Variants in MMP28 observed in about 807,000 individuals in gnomAD.
The protein encoded by MMP28 is matrix metalloproteinase-28.
A neutral mutation model predicts 60.5 loss-of-function variants in MMP28; 55 were observed. The ratio of observed to expected loss-of-function variants is 0.91; its 90% CI spans 0.73 to 1.14. The LOEUF is 1.14. MMP28 is among the 50% of genes most tolerant of loss of function. MMP28 has a pLI of 0.00. For missense variants in MMP28, 686 were observed against 738.3 expected (o/e 0.93, Z 0.82); for synonymous variants, 318 against 312.5 (o/e 1.02, Z -0.18).
intron 3 of MMP28, among the ~76,000 whole-genome samples, chr17:35,776,339 T>C (rs756354476): frequency 2.6e-5 from 4 of 151,762 alleles, no homozygotes; most frequent in Non-Finnish European, 5.9e-5. Flanking sequence ...ACCAGGCTAA[T>C]TACTTTTTGT....
Position 35,779,254 on chromosome 17 carries a change from C to T in MMP28, c.181G>A (p.Asp61Asn), listed in dbSNP as rs777998075. The change falls in exon 2 of 8, where the codon GAT (aspartate) becomes AAT (asparagine). Residue 61 changes from aspartate (D) to asparagine (N), a missense_variant. Coordinates refer to ENST00000605424, the MANE Select transcript of MMP28 (RefSeq NM_024302.5). The part of the protein sequence containing the change: ...PKAPTSTRFS[D>N]AIRAFQWVSQ... ...ATCCCTCCACCCTACCTGATGGCAT[C>T]GCTGAATCGAGTGGAGGTGGGAGCT... 2 of 1,612,294 alleles carry T rather than the reference C, an allele frequency of 1.2e-6. No individual in the cohort carries two copies. Among genetic ancestry groups the T allele is most frequent in the Admixed American group, 3.3e-5 (2 of 59,740 alleles).
chr17:35,758,115 T>G lies in MMP28; in HGVS notation c.266-1696A>C, dbSNP rs76453130. On this transcript the variant is annotated intron_variant, in intron 2 of 2. Transcript: ENST00000615317. ...GCTTTACCTGTGATAACTGACTTTG[T>G]CTTGTCTTTTAGGTATTATTTCTAT... is the stretch of plus-strand genomic sequence containing the variant. The G allele has an allele frequency of 7.2e-3, 1,102 of 152,326 alleles. 14 individuals are homozygous for G. Among genetic ancestry groups the G allele is most frequent in the African/African-American group, 0.025 (1,024 of 41,556 alleles). 9.4% of individuals were successfully genotyped at this position (152,326 alleles called of 1,614,324 possible).
intron 1 of MMP28, among the ~76,000 whole-genome samples, chr17:35,786,699 C>CAAAAAAAAAAAAAATAAAAAAAAAAAAAA (rs2086658060): frequency 1.4e-5 from 1 of 71,068 alleles, no homozygotes; most frequent in Non-Finnish European, 2.8e-5. Flanking sequence ...CCTGTCTCTA[C>CAAAAAAAAAAAAAATAAAAAAAAAAAAAA]AAAAAAAAAA....
At chr17:35,778,687 C>T in intron 3 of MMP28, 1 of 1,232,274 alleles carries the variant, frequency 8.1e-7, no homozygotes, top group South Asian at 1.6e-5. Flanking sequence ...GAAAATTCAT[C>T]AATGTAGGTG....
At chr17:35,770,345 C>T (rs1438654343) in intron 4 of MMP28, 33 bp from the exon 5 acceptor site, 2 of 1,461,256 alleles carry the variant, frequency 1.4e-6, no homozygotes, top group Non-Finnish European at 1.8e-6. Flanking sequence ...GGGGGTGCCA[C>T]GGCCCACGAC....
At chr17:35,789,260 A>G (rs1380480256) in intron 1 of MMP28, among the ~76,000 whole-genome samples, 1 of 152,196 alleles carries the variant, frequency 6.6e-6, no homozygotes, top group Non-Finnish European at 1.5e-5. Context: ...ACACACATAT[A>G]TAGAGGCACA....
chr17:35,788,619 G>T (rs916383912), intron 1 of MMP28, among the ~76,000 whole-genome samples: 1 of 152,084 alleles, frequency 6.6e-6, no homozygotes, highest in Non-Finnish European at 1.5e-5. Context: ...AAAGTCAAAC[G>T]AATGGCTCTG....
chr17:35,771,798 G>T (rs1222696884), intron 4 of MMP28, among the ~76,000 whole-genome samples: 1 of 138,356 alleles, frequency 7.2e-6, no homozygotes, highest in South Asian at 2.4e-4. Flanking sequence ...CCTCTGGGGG[G>T]CCTCTCTCTA....
intron 2 of MMP28, among the ~76,000 whole-genome samples, chr17:35,760,387 T>C (rs2085796409): frequency 6.6e-6 from 1 of 152,208 alleles, no homozygotes; most frequent in African/African-American, 2.4e-5. Flanking sequence ...TCCTACTTCC[T>C]ACTGGACTTG....
intron 5 of MMP28, among the ~76,000 whole-genome samples, chr17:35,769,760 T>C (rs917408465): frequency 2.2e-5 from 2 of 90,844 alleles, no homozygotes; most frequent in South Asian, 6.5e-4. Context: ...GAGCGGGAGC[T>C]GCGGGGGCTG....
At chr17:35,781,320 A>G (rs2143472214) in intron 1 of MMP28, among the ~76,000 whole-genome samples, 1 of 152,372 alleles carries the variant, frequency 6.6e-6, no homozygotes, top group East Asian at 1.9e-4. Flanking sequence ...CAGGAGGTAC[A>G]GATGGGGGTG....
At chr17:35,771,247 A>G (rs1434125469) in intron 4 of MMP28, among the ~76,000 whole-genome samples, 1 of 152,090 alleles carries the variant, frequency 6.6e-6, no homozygotes, top group Non-Finnish European at 1.5e-5. Context: ...CCTGGCTAAC[A>G]CGGTGAAACC....
intron 1 of MMP28, among the ~76,000 whole-genome samples, chr17:35,788,145 A>G (rs2086708975): frequency 1.3e-5 from 2 of 151,256 alleles, no homozygotes; most frequent in African/African-American, 4.9e-5. Context: ...GCCTCAAATG[A>G]TCCTTCTACC....
At position 35,766,888 on chromosome 17, in the gene MMP28, C is replaced by T. The variant is rs558972752; in HGVS notation, c.1175G>A (p.Arg392Gln). ...CTTGGGGCCCCGGAACCTCCAGCAT[C>T]GACCCCCTGTGGGGAATTGGGAGAG... ...DGDFYFFKGG[R>Q]CWRFRGPKPV... The change falls in exon 8 of 8, where the codon CGA becomes CAA. Residue 392 changes from arginine to glutamine, a missense_variant. Coordinates refer to ENST00000605424, the MANE Select transcript of MMP28 (RefSeq NM_024302.5). The surrounding 1 kb of genome is among the most constrained non-coding windows in gnomAD (Gnocchi z 4.3). The T allele has an allele frequency of 5.8e-5, 92 of 1,574,964 alleles. 5 individuals are homozygous for T. In the South Asian group the frequency reaches 1.0e-3, roughly 18 times the overall value.
chr17:35,763,438 CTTTT>C (rs782005643), downstream of MMP28, among the ~76,000 whole-genome samples: 143 of 101,514 alleles, frequency 1.4e-3, no homozygotes, highest in Non-Finnish European at 2.3e-3. Flanking sequence ...CCATGCCCAG[CTTTT>C]TTTTTTTTTT....
At chr17:35,761,426 T>G (rs1246107838), downstream of MMP28, among the ~76,000 whole-genome samples, 2 of 151,286 alleles carry the variant, frequency 1.3e-5, no homozygotes, top group East Asian at 3.9e-4. Flanking sequence ...TTTGTTTTTT[T>G]TTTTTTAGAA....
chr17:35,770,994 G>C (rs1191409612), intron 4 of MMP28, among the ~76,000 whole-genome samples: 1 of 152,072 alleles, frequency 6.6e-6, no homozygotes, highest in African/African-American at 2.4e-5. Flanking sequence ...TCAAGGCTGC[G>C]GTGAGCTGTG....
intron 3 of MMP28, among the ~76,000 whole-genome samples, chr17:35,774,597 A>C (rs2086268466): frequency 6.6e-6 from 1 of 152,198 alleles, no homozygotes; most frequent in African/African-American, 2.4e-5. Context: ...AGGGTCTTGG[A>C]GAGCAGAGGA....
downstream of MMP28, among the ~76,000 whole-genome samples, chr17:35,762,098 C>A (rs1277707543): frequency 6.6e-6 from 1 of 152,116 alleles, no homozygotes; most frequent in Non-Finnish European, 1.5e-5. Context: ...TCAAGCGATT[C>A]TCCTGCCTCA....
Sources: allele counts gnomAD v4.1 joint callset (sites outside exome capture counted in the v4.1 genomes callset), GRCh38; gene constraint gnomAD v4.1.1; non-coding constraint Gnocchi (gnomAD v3.1); transcripts MANE v1.5; gene names NCBI Gene and HGNC (gene_info 2026-07-23, HGNC 2026-07-21).